Variants in PUM2 observed in about 807,000 individuals in gnomAD.
PUM2 encodes pumilio homolog 2.
In PUM2, 57 loss-of-function variants were observed where a neutral mutation model predicts 124.5. The observed-to-expected ratio is 0.46, with a 90% CI of 0.37 to 0.57. PUM2 has a LOEUF of 0.57. Ranked by LOEUF, PUM2 falls within the 20% of genes least tolerant of loss-of-function variation. PUM2 has a pLI of 0.00. For missense variants in PUM2, 1,065 were observed against 1,290.6 expected (o/e 0.83, Z 2.68); for synonymous variants, 460 against 446.1 (o/e 1.03, Z -0.39).
intron 7 of PUM2, among the ~76,000 whole-genome samples, chr2:20,300,749 T>C (rs549727128): frequency 5.3e-5 from 8 of 150,854 alleles, no homozygotes; most frequent in African/African-American, 2.0e-4. Context: ...CTGCCTCCCA[T>C]TCTATTCCTA....
intron 3 of PUM2, among the ~76,000 whole-genome samples, chr2:20,314,285 G>C (rs1680357981): frequency 6.6e-6 from 1 of 151,946 alleles, no homozygotes; most frequent in African/African-American, 2.4e-5. Flanking sequence ...AGTAAGTCCA[G>C]AAAAATCAGT....
At chr2:20,314,274 G>A (rs1680356757) in intron 3 of PUM2, among the ~76,000 whole-genome samples, 1 of 152,116 alleles carries the variant, frequency 6.6e-6, no homozygotes, top group Non-Finnish European at 1.5e-5. Flanking sequence ...AATCACAAAT[G>A]AGTAAGTCCA....
chr2:20,303,625 C>A (rs1677524467), intron 7 of PUM2, among the ~76,000 whole-genome samples: 1 of 152,154 alleles, frequency 6.6e-6, no homozygotes, highest in Admixed American at 6.5e-5. Flanking sequence ...ATGCTTTGTA[C>A]ATCCTTACTT....
intron 2 of PUM2, among the ~76,000 whole-genome samples, chr2:20,323,959 G>T: frequency 7.1e-6 from 1 of 140,252 alleles, no homozygotes; most frequent in Non-Finnish European, 1.5e-5. Context: ...GATCACCACT[G>T]GGAATAAGGA....
At chr2:20,263,613 T>C (rs1422364833) in intron 13 of PUM2, among the ~76,000 whole-genome samples, 153 bp from the exon 14 acceptor site, 2 of 152,174 alleles carry the variant, frequency 1.3e-5, no homozygotes, top group Admixed American at 6.5e-5. Context: ...GAGGGGAAAA[T>C]CTCACCCATA....
At chr2:20,297,049 A>C (rs1422286098) in intron 8 of PUM2, among the ~76,000 whole-genome samples, 3 of 152,144 alleles carry the variant, frequency 2.0e-5, no homozygotes, top group Admixed American at 2.0e-4. Context: ...GGCAGTTTTT[A>C]GTACGTTCTT....
intron 1 of PUM2, among the ~76,000 whole-genome samples, chr2:20,330,434 C>G (rs146460447): frequency 3.3e-5 from 5 of 152,260 alleles, no homozygotes; most frequent in South Asian, 4.1e-4. Flanking sequence ...AGTTCCCCCT[C>G]CTGCTTCCAG....
intron 1 of PUM2, among the ~76,000 whole-genome samples, chr2:20,337,896 A>C (rs1308007383): frequency 6.6e-6 from 1 of 152,206 alleles, no homozygotes; most frequent in Non-Finnish European, 1.5e-5. Context: ...AGATTATACC[A>C]GGCACATTAT....
intron 10 of PUM2, among the ~76,000 whole-genome samples, chr2:20,286,274 G>A (rs138216123): frequency 1.8e-3 from 267 of 152,322 alleles, no homozygotes; most frequent in South Asian, 2.9e-3. Flanking sequence ...TGAGGACCAA[G>A]TCAAAATAGA....
chr2:20,261,527 G>GT (rs1032147544), intron 14 of PUM2, among the ~76,000 whole-genome samples: 1 of 126,458 alleles, frequency 7.9e-6, no homozygotes, highest in Non-Finnish European at 1.7e-5. Context: ...TATTCCACTT[G>GT]TTTAAAAAAA....
At chr2:20,346,658 C>T (rs1177819791) in intron 1 of PUM2, among the ~76,000 whole-genome samples, 1 of 152,156 alleles carries the variant, frequency 6.6e-6, no homozygotes, top group Non-Finnish European at 1.5e-5. Flanking sequence ...AAGAGCTGTC[C>T]TCAAACCAGG....
chr2:20,294,291 A>C, intron 9 of PUM2, 85 bp downstream of exon 9: 1 of 1,483,526 alleles, frequency 6.7e-7, no homozygotes, highest in Non-Finnish European at 9.2e-7. Flanking sequence ...GAGGAAACGT[A>C]AGTCGAAAAA....
intron 17 of PUM2, 74 bp downstream of exon 17, chr2:20,255,959 T>C (rs561528118): frequency 7.9e-6 from 11 of 1,397,410 alleles, no homozygotes; most frequent in Middle Eastern, 1.9e-4. Flanking sequence ...TAGTGACTCA[T>C]GAAAAACGTG....
At chr2:20,338,797 G>C (rs1008129243) in intron 1 of PUM2, among the ~76,000 whole-genome samples, 1 of 152,110 alleles carries the variant, frequency 6.6e-6, no homozygotes, top group African/African-American at 2.4e-5. Context: ...ACCAATCTAT[G>C]CTCCTATCAT....
At chr2:20,329,064 A>G (rs7582642) in intron 1 of PUM2, among the ~76,000 whole-genome samples, 54,892 of 151,526 alleles carry the variant, frequency 0.36, 10,056 homozygotes, top group Middle Eastern at 0.43. Flanking sequence ...CCAGCAACTC[A>G]GGAGGCTGAG....
At chr2:20,333,714 A>T (rs1685398924) in intron 1 of PUM2, among the ~76,000 whole-genome samples, 2 of 152,130 alleles carry the variant, frequency 1.3e-5, no homozygotes, top group African/African-American at 2.4e-5. Flanking sequence ...GGAGTTCAAG[A>T]CCAGCCCTTG....
At chr2:20,349,429 C>A (rs1388033312) in intron 1 of PUM2, among the ~76,000 whole-genome samples, 4 of 151,896 alleles carry the variant, frequency 2.6e-5, no homozygotes, top group Non-Finnish European at 5.9e-5. Flanking sequence ...AAAATGCCAT[C>A]ATTTTTATTC....
At chr2:20,262,225 C>T (rs1666469344) in intron 14 of PUM2, among the ~76,000 whole-genome samples, 1 of 152,240 alleles carries the variant, frequency 6.6e-6, no homozygotes, top group South Asian at 2.1e-4. Context: ...TATGCCTTCG[C>T]ATATACTCAC....
chr2:20,257,726 C>T (rs978669694), intron 16 of PUM2, among the ~76,000 whole-genome samples: 1 of 152,050 alleles, frequency 6.6e-6, no homozygotes, highest in Non-Finnish European at 1.5e-5. Context: ...GACTTTCCAT[C>T]CAATAACACA....
Sources: gnomAD v4.1 joint callset for allele counts (sites outside exome capture counted in the v4.1 genomes callset) on GRCh38, gnomAD v4.1.1 for gene constraint, MANE v1.5 for transcripts, NCBI Gene and HGNC (gene_info 2026-07-23, HGNC 2026-07-21) for gene names.